ATAD2B: variants seen among roughly 807,000 people sequenced by gnomAD.
ATAD2B encodes ATPase family AAA domain containing 2B, also known as ATPase family AAA domain-containing protein 2B.
A neutral mutation model predicts 167.6 loss-of-function variants in ATAD2B; 40 were observed. The ratio of observed to expected loss-of-function variants is 0.24; its 90% CI spans 0.19 to 0.31. The LOEUF is 0.31. Ranked by LOEUF, ATAD2B falls within the 10% of genes least tolerant of loss-of-function variation. ATAD2B has a pLI of 1.00. For synonymous variants in ATAD2B, 579 were observed against 596.5 expected (o/e 0.97, Z 0.43); for missense variants, 1,242 against 1,757.2 (o/e 0.71, Z 5.24).
At chr2:23,901,472 G>C (rs1412793395) in intron 1 of ATAD2B, among the ~76,000 whole-genome samples, 1 of 151,332 alleles carries the variant, frequency 6.6e-6, no homozygotes, top group Admixed American at 6.6e-5. Context: ...TTTCAACTTA[G>C]CATTATATAT....
intron 16 of ATAD2B, among the ~76,000 whole-genome samples, chr2:23,821,073 A>T (rs984546783): frequency 1.3e-5 from 2 of 152,252 alleles, no homozygotes; most frequent in Admixed American, 1.3e-4. Context: ...TTAAAGGTCA[A>T]AACAAGCCAG....
chr2:23,696,149 G>A, the ATAD2B span: 18 of 1,548,338 alleles, frequency 1.2e-5, no homozygotes, highest in African/African-American at 2.5e-4. This position sits in a 1 kb window ranked among gnomAD's most constrained non-coding sequence, Gnocchi z 5.5. Context: ...GCCCCCCGGG[G>A]TTGGGGCGGG....
At chr2:23,767,531 TAAGC>T (rs989264441) in intron 22 of ATAD2B, among the ~76,000 whole-genome samples, 11 of 152,180 alleles carry the variant, frequency 7.2e-5, no homozygotes, top group Non-Finnish European at 1.0e-4. Flanking sequence ...CAGAACATAA[TAAGC>T]AAGAGGCAAA....
At chr2:23,822,846 G>A (rs1041887352) in intron 16 of ATAD2B, among the ~76,000 whole-genome samples, 3 of 150,500 alleles carry the variant, frequency 2.0e-5, no homozygotes, top group African/African-American at 7.4e-5. Flanking sequence ...GTACCCGGGA[G>A]GCGGAGGTTG....
intron 18 of ATAD2B, among the ~76,000 whole-genome samples, chr2:23,808,080 A>ATTATATATATAATTATATATATAATTAC (rs1221784769): frequency 4.5e-5 from 6 of 132,678 alleles, no homozygotes; most frequent in African/African-American, 1.7e-4. Flanking sequence ...TATATAAGTA[A>ATTATATATATAATTATATATATAATTAC]TTATATATAT....
chr2:23,823,121 G>T, intron 16 of ATAD2B, 137 bp downstream of exon 16: 2 of 756,016 alleles, frequency 2.6e-6, no homozygotes, highest in Non-Finnish European at 4.2e-6. Flanking sequence ...CAGGCAATAT[G>T]CCAGGCCTGG....
chr2:23,912,958 T>C (rs1251844332), intron 1 of ATAD2B, among the ~76,000 whole-genome samples: 4 of 152,168 alleles, frequency 2.6e-5, no homozygotes, highest in East Asian at 3.9e-4. Context: ...ATGGAGCCAC[T>C]GCACTCTAGC....
At position 23,870,219 on chromosome 2, in the gene ATAD2B, AAAAG is replaced by A. The variant is rs1282043952; in HGVS notation, c.978-462_978-459del. On this transcript the variant is annotated intron_variant, in intron 8 of 27. Transcript: ENST00000238789. ...AAGACTCCTTCTCGGAAAAAAAAAA[AAAAG>A]GAGAATAGAAAGCCTAAAGTTTTTT... Among the ~76,000 whole-genome samples the A allele has an allele frequency of 4.6e-5, 7 of 151,822 alleles. No individual in the cohort carries two copies. The East Asian group carries it at 7.7e-4, about 17-fold the overall frequency.
chr2:23,817,269 C>T (rs1686587638), intron 17 of ATAD2B, among the ~76,000 whole-genome samples: 1 of 152,168 alleles, frequency 6.6e-6, no homozygotes, highest in South Asian at 2.1e-4. Context: ...CTGCTAGCAA[C>T]AGGATCATGG....
intron 18 of ATAD2B, among the ~76,000 whole-genome samples, chr2:23,808,681 T>C (rs1304942409): frequency 6.6e-6 from 1 of 152,200 alleles, no homozygotes; most frequent in Non-Finnish European, 1.5e-5. Context: ...AATCACATCA[T>C]AGGCAAATAC....
At chr2:23,795,647 G>A (rs993555985) in intron 19 of ATAD2B, among the ~76,000 whole-genome samples, 8 of 152,110 alleles carry the variant, frequency 5.3e-5, no homozygotes, top group Admixed American at 2.0e-4. Context: ...TTGGGAGGCC[G>A]AGGTGGGAGA....
At chr2:23,778,799 T>A (rs1013182161) in intron 22 of ATAD2B, among the ~76,000 whole-genome samples, 1 of 152,180 alleles carries the variant, frequency 6.6e-6, no homozygotes, top group South Asian at 2.1e-4. Context: ...AAGGCTTAAT[T>A]TGATCAAAGT....
Position 23,788,525 on chromosome 2 carries a change from T to C in ATAD2B, c.2763A>G (p.Arg921=). ...TACAAACTTTACCAGCATGTTTCCT[T>C]CGTGGTGGAGCCATTGATGCCTGAT... ...ILNQASMAPP[R]RKHAALCAME... Residue 921 remains arginine, a synonymous_variant, in exon 20 of 28, where the codon CGA becomes CGG. Transcript: ENST00000238789. 1 of 1,613,086 alleles carries C rather than the reference T, an allele frequency of 6.2e-7. No homozygotes were observed. Among genetic ancestry groups the C allele is most frequent in the Non-Finnish European group, 8.5e-7 (1 of 1,179,282 alleles).
downstream of ATAD2B, among the ~76,000 whole-genome samples, chr2:23,745,163 T>C (rs974693935): frequency 6.6e-6 from 1 of 151,954 alleles, no homozygotes; most frequent in Non-Finnish European, 1.5e-5. Flanking sequence ...GGCACATGCC[T>C]CTAATCCCAG....
intron 8 of ATAD2B, among the ~76,000 whole-genome samples, chr2:23,875,223 C>T (rs932250023): frequency 2.6e-5 from 4 of 151,322 alleles, no homozygotes; most frequent in Non-Finnish European, 5.9e-5. Flanking sequence ...AGAAACTGGT[C>T]GGGCGCCATG....
chr2:23,762,059 CA>C (rs1427623812), intron 24 of ATAD2B, 149 bp downstream of exon 24: 1 of 659,760 alleles, frequency 1.5e-6, no homozygotes, highest in East Asian at 3.2e-5. Flanking sequence ...TCTGATTCAG[CA>C]TTTACCTCAC....
At chr2:23,820,975 G>A (rs985455786) in intron 16 of ATAD2B, among the ~76,000 whole-genome samples, 1 of 151,994 alleles carries the variant, frequency 6.6e-6, no homozygotes, top group Non-Finnish European at 1.5e-5. Flanking sequence ...TAAATATTTA[G>A]TACAAGTCAT....
chr2:23,836,781 A>G (rs1690051515), intron 13 of ATAD2B, among the ~76,000 whole-genome samples: 1 of 151,818 alleles, frequency 6.6e-6, no homozygotes, highest in African/African-American at 2.4e-5. Flanking sequence ...TGGAGGGGGT[A>G]GCTCCTCTCT....
intron 15 of ATAD2B, among the ~76,000 whole-genome samples, chr2:23,824,115 AT>A: frequency 6.6e-6 from 1 of 151,942 alleles, no homozygotes; most frequent in South Asian, 2.1e-4. Context: ...CACTCGTATA[AT>A]TTTTTTCTTT....
Sources: allele counts gnomAD v4.1 joint callset (sites outside exome capture counted in the v4.1 genomes callset), GRCh38; gene constraint gnomAD v4.1.1; non-coding constraint Gnocchi (gnomAD v3.1); transcripts MANE v1.5; gene names NCBI Gene and HGNC (gene_info 2026-07-23, HGNC 2026-07-21).